Variants in STK32C observed in about 807,000 individuals in gnomAD.
The protein encoded by STK32C is serine/threonine kinase 32C.
Under a neutral mutation model 56.5 loss-of-function variants are expected in STK32C, and 31 were observed. The ratio of observed to expected loss-of-function variants is 0.55; its 90% CI spans 0.41 to 0.74. The LOEUF (loss-of-function observed/expected upper bound fraction) is 0.74, where lower values mean the gene tolerates loss of function less well. Among genes scored for constraint, STK32C ranks in the 30% least tolerant of loss-of-function variants. The pLI is 0.00. For missense variants in STK32C, 544 were observed against 676.9 expected, an observed-to-expected ratio of 0.80 and a Z score of 2.18; for synonymous variants, 309 against 289.4, an observed-to-expected ratio of 1.07 and a Z score of -0.69.
chr10:132,244,412 T>A (rs2063612326), intron 2 of STK32C, among the ~76,000 whole-genome samples: 1 of 152,170 alleles, frequency 6.6e-6, no homozygotes, highest in African/African-American at 2.4e-5. Flanking sequence ...GCTGCCCACC[T>A]GTGCTCATGA....
At chr10:132,313,124 C>G (rs928642305) in intron 1 of STK32C, among the ~76,000 whole-genome samples, 2 of 152,190 alleles carry the variant, frequency 1.3e-5, no homozygotes, top group African/African-American at 2.4e-5. Flanking sequence ...CCTGATACCC[C>G]CTCCCTTTTA....
intron 1 of STK32C, among the ~76,000 whole-genome samples, chr10:132,259,066 G>A (rs1051766743): frequency 1.6e-5 from 2 of 126,526 alleles, no homozygotes; most frequent in African/African-American, 3.8e-5. Flanking sequence ...CTGGGGGCAT[G>A]GACAGGGCTG....
rs1194826139 is a variant in STK32C, at chr10:132,209,111, G to A, written c.1252-10C>T. The stretch of plus-strand genomic sequence containing the variant: ...GAAGATAGTCATTCTCCTGTGGATG[G>A]AAAGGCACACGTGAGCGTGGGGGAC... On this transcript the variant is annotated splice_polypyrimidine_tract_variant and intron_variant, in intron 10 of 11. Coordinates refer to ENST00000298630, the MANE Select transcript of STK32C (RefSeq NM_173575.4). 2.5e-6 allele frequency: 4 copies of A among 1,613,376 alleles called. No homozygotes were observed. Among genetic ancestry groups the A allele is most frequent in the Non-Finnish European group, 3.4e-6 (4 of 1,179,614 alleles).
intron 2 of STK32C, among the ~76,000 whole-genome samples, chr10:132,239,973 C>T (rs1409859577): frequency 6.6e-6 from 1 of 152,236 alleles, no homozygotes; most frequent in Non-Finnish European, 1.5e-5. Context: ...CGTCCGCTGG[C>T]TGTGAACATG....
chr10:132,252,321 G>A (rs1214468547), intron 1 of STK32C, among the ~76,000 whole-genome samples: 1 of 152,268 alleles, frequency 6.6e-6, no homozygotes, highest in Non-Finnish European at 1.5e-5. Context: ...CAGGAAAGGG[G>A]GAGGGGGCTG....
intron 1 of STK32C, among the ~76,000 whole-genome samples, chr10:132,263,507 G>A (rs2064376782): frequency 6.6e-6 from 1 of 152,090 alleles, no homozygotes; most frequent in Non-Finnish European, 1.5e-5. Context: ...GTGCTTGGGT[G>A]ACAGGATCAA....
chr10:132,330,406 C>A (rs1281532914), intron 1 of STK32C: 1 of 716,868 alleles, frequency 1.4e-6, no homozygotes, highest in Non-Finnish European at 2.6e-6. Context: ...ACCCATGTCA[C>A]TCCTCATTCT....
chr10:132,228,201 T>C (rs2062964465), intron 2 of STK32C, 73 bp from the exon 3 acceptor site: 1 of 1,596,330 alleles, frequency 6.3e-7, no homozygotes, highest in East Asian at 2.2e-5. Flanking sequence ...TGGAAATGCA[T>C]GGGGATGCCT....
At chr10:132,281,565 T>C (rs1443967398) in intron 1 of STK32C, among the ~76,000 whole-genome samples, 2 of 152,156 alleles carry the variant, frequency 1.3e-5, no homozygotes, top group Admixed American at 6.5e-5. Context: ...CATTCTCACA[T>C]AGCCCAAAGA....
At chr10:132,226,596 A>C (rs997062008) in intron 4 of STK32C, among the ~76,000 whole-genome samples, 199 bp downstream of exon 4, 51 of 152,320 alleles carry the variant, frequency 3.3e-4, no homozygotes, top group African/African-American at 1.2e-3. Flanking sequence ...GTCCCCCCAG[A>C]TGGACACCAG....
intron 1 of STK32C, among the ~76,000 whole-genome samples, chr10:132,256,102 C>T (rs557772526): frequency 1.1e-4 from 17 of 152,358 alleles, no homozygotes; most frequent in African/African-American, 3.6e-4. Flanking sequence ...ATACCCTGTG[C>T]CCCAGGCTCC....
In STK32C at chr10:132,331,447, GC is replaced by G; in HGVS notation, c.289del (p.Ala97ArgfsTer7). 1 of 1,609,838 alleles carries G rather than the reference GC, an allele frequency of 6.2e-7. No individual in the cohort carries two copies. The highest frequency in any genetic ancestry group is 2.2e-5 in the East Asian group (1 of 44,780). ...CTCAGGACACTCACTGCGTTTCCTC[GC>G]CCCCCTCACTCCTCCGTCCAGAGGC... On this transcript the variant is annotated frameshift_variant, in exon 1 of 2. Transcript: ENST00000368619. LOFTEE classifies it low-confidence loss of function (END_TRUNC).
At position 132,268,519 on chromosome 10, in the gene STK32C, G is replaced by A. The variant is rs372990617; in HGVS notation, c.263-22564C>T. Among the ~76,000 whole-genome samples, 762 of 133,306 alleles carry A rather than the reference G, an allele frequency of 5.7e-3. 10 individuals carry two copies. The highest frequency in any genetic ancestry group is 0.02 in the African/African-American group (688 of 33,856). The allele number at this position is 133,306 out of a possible 152,430, so 87.5% of individuals were successfully genotyped here. A position where few individuals can be genotyped will look rare whatever the true frequency, so the allele number is the denominator to read the frequency against. ...TGCCTGTGTATGCAGGTGCAGCTGTGCCTGTGTGCATGCGTCACATTGTGT... is the reference window on the plus strand; with the variant it reads ...TGCCTGTGTATGCAGGTGCAGCTGTACCTGTGTGCATGCGTCACATTGTGT... On this transcript the variant is annotated intron_variant, in intron 1 of 11. Coordinates refer to ENST00000298630, the MANE Select transcript of STK32C (RefSeq NM_173575.4).
chr10:132,305,286 T>G (rs915665911), intron 1 of STK32C, among the ~76,000 whole-genome samples: 2 of 152,056 alleles, frequency 1.3e-5, no homozygotes, highest in Non-Finnish European at 2.9e-5. Flanking sequence ...GGTTCTGGAG[T>G]CCACAAGGAT....
intron 10 of STK32C, 92 bp downstream of exon 10, chr10:132,222,549 G>A (rs2814197): frequency 0.79 from 1,181,838 of 1,492,926 alleles, 469,196 homozygotes; most frequent in Admixed American, 0.87. Flanking sequence ...AGACGTGTGC[G>A]CTGCCAGGGG....
At chr10:132,327,600 C>G (rs1014852859) in intron 1 of STK32C, among the ~76,000 whole-genome samples, 11 of 152,000 alleles carry the variant, frequency 7.2e-5, no homozygotes, top group African/African-American at 2.7e-4. Flanking sequence ...CTTAGCCACC[C>G]GAGTACCTGG....
chr10:132,267,846 T>C (rs1370819891), intron 1 of STK32C, among the ~76,000 whole-genome samples: 1 of 145,566 alleles, frequency 6.9e-6, no homozygotes, highest in Admixed American at 6.8e-5. Flanking sequence ...TGTGCATGCA[T>C]GTGTATGCAG....
chr10:132,259,604 G>A (rs1208969550), intron 1 of STK32C, among the ~76,000 whole-genome samples: 1 of 152,196 alleles, frequency 6.6e-6, no homozygotes, highest in Admixed American at 6.5e-5. Context: ...CTCCAGCCAT[G>A]AGAACGTGCT....
At chr10:132,243,768 G>C (rs1048275394) in intron 2 of STK32C, among the ~76,000 whole-genome samples, 1 of 152,196 alleles carries the variant, frequency 6.6e-6, no homozygotes, top group Non-Finnish European at 1.5e-5. Context: ...GCTGCACCAG[G>C]GCCATTTGGC....
Sources: gnomAD v4.1 joint callset for allele counts (sites outside exome capture counted in the v4.1 genomes callset) on GRCh38, gnomAD v4.1.1 for gene constraint, MANE v1.5 for transcripts, NCBI Gene and HGNC (gene_info 2026-07-23, HGNC 2026-07-21) for gene names.